PTPRN2: variants seen among roughly 807,000 people sequenced by gnomAD.
PTPRN2 encodes receptor-type tyrosine-protein phosphatase N2.
In PTPRN2, 74 loss-of-function variants were observed where a neutral mutation model predicts 118.8. The observed-to-expected ratio is 0.62, with a 90% CI of 0.52 to 0.76. PTPRN2 has a LOEUF of 0.76. Ranked by LOEUF, PTPRN2 falls within the 30% of genes least tolerant of loss-of-function variation. The pLI is 0.00. For synonymous variants in PTPRN2, 641 were observed against 608.0 expected (o/e 1.05, Z -0.80); for missense variants, 1,481 against 1,394.4 (o/e 1.06, Z -0.99).
chr7:157,568,772 T>C, intron 21 of PTPRN2, 130 bp downstream of exon 21: 1 of 894,786 alleles, frequency 1.1e-6, no homozygotes. Flanking sequence ...ACCACCTTCC[T>C]ACGGCCCAGC....
rs556225979 is a variant in PTPRN2 at position 158,336,318 on chromosome 7, C to A, written c.164-19386G>T. Reference sequence around the variant, plus strand: ...ACGTCACTCACACCCACACTCTCACCATAAGAGGTGACACCTGCAGACGTC... The same window carrying A: ...ACGTCACTCACACCCACACTCTCACAATAAGAGGTGACACCTGCAGACGTC... On this transcript the variant is annotated intron_variant, in intron 2 of 22. Transcript: ENST00000389418. Among the ~76,000 whole-genome samples the A allele has an allele frequency of 1.6e-4, 23 of 144,420 alleles. 1 individual carries two copies. Among genetic ancestry groups the A allele is most frequent in the Admixed American group, 9.0e-4 (13 of 14,478 alleles). The allele number at this position is 144,420 out of a possible 152,430, so 94.7% of individuals were successfully genotyped here.
At chr7:158,540,544 G>C (rs61624900) in intron 1 of PTPRN2, among the ~76,000 whole-genome samples, 1 of 152,226 alleles carries the variant, frequency 6.6e-6, no homozygotes, top group East Asian at 1.9e-4. Context: ...CCAAGGGGGG[G>C]TTTCTTTGGA....
At chr7:158,170,581 G>T (rs1230446325) in intron 5 of PTPRN2, among the ~76,000 whole-genome samples, 1 of 152,210 alleles carries the variant, frequency 6.6e-6, no homozygotes, top group African/African-American at 2.4e-5. Flanking sequence ...AAACAACAGA[G>T]CCTGTAGAAA....
intron 19 of PTPRN2, among the ~76,000 whole-genome samples, chr7:157,575,789 C>T (rs1800005932): frequency 6.6e-6 from 1 of 152,140 alleles, no homozygotes; most frequent in South Asian, 2.1e-4. Context: ...TCTTATTCTC[C>T]TTGTTTGGAT....
intron 3 of PTPRN2, among the ~76,000 whole-genome samples, chr7:158,293,842 C>T (rs1800281763): frequency 6.6e-6 from 1 of 152,096 alleles, no homozygotes; most frequent in African/African-American, 2.4e-5. Context: ...CTTCCACCTC[C>T]ACATCTTGTC....
In PTPRN2 at chr7:158,040,736, C is replaced by CTTTTTTTTTTT. The variant is rs58192875; in HGVS notation, c.1723+40551_1723+40561dup. Among the ~76,000 whole-genome samples the CTTTTTTTTTTT allele has an allele frequency of 1.8e-4, 25 of 142,204 alleles. 2 individuals are homozygous for CTTTTTTTTTTT. The highest frequency in any genetic ancestry group is 3.1e-4 in the African/African-American group (12 of 38,286). The allele number at this position is 142,204 out of a possible 152,430, so 93.3% of individuals were successfully genotyped here. On this transcript the variant is annotated intron_variant, in intron 11 of 22. Coordinates refer to ENST00000389418, the MANE Select transcript of PTPRN2 (RefSeq NM_002847.5). ...TTGATCTGCCTTTCTTTTTTTCTTT[C>CTTTTTTTTTTT]TTTTTTTTTTTTTTGAGATGGAATC...
rs376231285 is a variant in PTPRN2 at position 157,993,935 on chromosome 7, C to T, written c.1723+87363G>A. On this transcript the variant is annotated intron_variant, in intron 11 of 22. Transcript: ENST00000389418. ...GCACTGAGCTCACTGGGTCTCCCTG[C>T]GCCCGTGTCTGGAGTCATACACAAT... Among the ~76,000 whole-genome samples the T allele has an allele frequency of 3.9e-3, 588 of 152,202 alleles. 6 individuals are homozygous for T. In the South Asian group the frequency reaches 0.05, roughly 13 times the overall value.
intron 12 of PTPRN2, among the ~76,000 whole-genome samples, chr7:157,770,022 C>T (rs1178275687): frequency 1.3e-5 from 2 of 152,204 alleles, no homozygotes; most frequent in African/African-American, 2.4e-5. Context: ...CCCAGCAGCC[C>T]GTCCGGCCTG....
intron 2 of PTPRN2, among the ~76,000 whole-genome samples, chr7:158,487,031 G>C (rs532248315): frequency 6.6e-6 from 1 of 152,270 alleles, no homozygotes; most frequent in South Asian, 2.1e-4. Flanking sequence ...TTCAGTATTT[G>C]TCCTTTTGTG....
At chr7:158,575,636 GATTA>G (rs2129451753) in intron 1 of PTPRN2, among the ~76,000 whole-genome samples, 1 of 152,290 alleles carries the variant, frequency 6.6e-6, no homozygotes, top group East Asian at 1.9e-4. Context: ...AAAGTGCTTG[GATTA>G]CAGGCATGAG....
In PTPRN2 at chr7:157,613,482, C is replaced by T. The variant is rs906828748; in HGVS notation, c.2344+7880G>A. On this transcript the variant is annotated intron_variant, in intron 15 of 22. Coordinates refer to ENST00000389418, the MANE Select transcript of PTPRN2 (RefSeq NM_002847.5). ...GAGACTTCCGCAAACCTCGGGGCCT[C>T]AATCGACAGAACGTGTCACCTCAGG... 2.0e-5 allele frequency among the ~76,000 whole-genome samples: 3 copies of T among 152,180 alleles called. No individual in the cohort carries two copies. The East Asian group carries it at 5.8e-4, about 29-fold the overall frequency.
chr7:157,721,561 G>A (rs935431704), intron 12 of PTPRN2, among the ~76,000 whole-genome samples: 3 of 152,196 alleles, frequency 2.0e-5, no homozygotes, highest in African/African-American at 7.2e-5. Context: ...CCACAGCACC[G>A]CTGTCTGTTC....
intron 3 of PTPRN2, among the ~76,000 whole-genome samples, chr7:158,296,395 G>C (rs1331165145): frequency 6.6e-6 from 1 of 152,158 alleles, no homozygotes; most frequent in East Asian, 1.9e-4. Context: ...CCTGCTGAGA[G>C]TTACTTCCAC....
chr7:158,071,599 TG>T (rs1811730910), intron 11 of PTPRN2, among the ~76,000 whole-genome samples: 1 of 99,978 alleles, frequency 1.0e-5, no homozygotes, highest in African/African-American at 4.0e-5. Context: ...GAGGTGCTCC[TG>T]GTGGAGGTGC....
At chr7:157,782,769 G>C (rs900498120) in intron 12 of PTPRN2, among the ~76,000 whole-genome samples, 3 of 152,266 alleles carry the variant, frequency 2.0e-5, no homozygotes, top group Admixed American at 2.0e-4. Flanking sequence ...AGTTTGGAAA[G>C]AGGAATCAGA....
chr7:158,447,911 C>A (rs1249054787), intron 2 of PTPRN2, among the ~76,000 whole-genome samples: 2 of 152,250 alleles, frequency 1.3e-5, no homozygotes, highest in African/African-American at 4.8e-5. Context: ...CGGCTCCTGG[C>A]CATGCTACCC....
At chr7:157,588,587 A>G (rs12672387) in intron 17 of PTPRN2, among the ~76,000 whole-genome samples, 3,464 of 152,308 alleles carry the variant, frequency 0.023, 119 homozygotes, top group East Asian at 0.13. Context: ...CCCGTGGGGA[A>G]GTCTCGGCAC....
intron 9 of PTPRN2, among the ~76,000 whole-genome samples, chr7:158,111,227 ACT>A (rs1276064885): frequency 1.3e-5 from 2 of 152,066 alleles, no homozygotes; most frequent in African/African-American, 4.8e-5. Flanking sequence ...GGATGCTGGG[ACT>A]CTGACTGAGG....
intron 14 of PTPRN2, among the ~76,000 whole-genome samples, chr7:157,624,024 T>C (rs1052851947): frequency 6.6e-5 from 10 of 152,186 alleles, no homozygotes; most frequent in Non-Finnish European, 8.8e-5. Flanking sequence ...CATAGCAAAG[T>C]AATGTTTTAA....
Sources: gnomAD v4.1 joint callset for allele counts (sites outside exome capture counted in the v4.1 genomes callset) on GRCh38, gnomAD v4.1.1 for gene constraint, MANE v1.5 for transcripts, NCBI Gene and HGNC (gene_info 2026-07-23, HGNC 2026-07-21) for gene names.